Variants in RBFA observed in about 807,000 individuals in gnomAD.
The protein encoded by RBFA is ribosome binding factor A, also known as putative ribosome-binding factor A, mitochondrial.
Under a neutral mutation model 27.9 loss-of-function variants are expected in RBFA, and 16 were observed. The observed-to-expected ratio is 0.57, with a 90% CI of 0.39 to 0.87. The LOEUF (loss-of-function observed/expected upper bound fraction) is 0.87. Ranked by LOEUF, RBFA falls within the 40% of genes least tolerant of loss-of-function variation. The pLI, the probability that RBFA is intolerant of heterozygous loss-of-function variation, is 0.00. For missense variants in RBFA, 456 were observed against 432.1 expected, an observed-to-expected ratio of 1.06 and a Z score of -0.49; for synonymous variants, 181 against 181.0, an observed-to-expected ratio of 1.00 and a Z score of 0.00.
chr18:80,037,094 A>C (rs1211218992), intron 2 of RBFA, among the ~76,000 whole-genome samples: 2 of 152,194 alleles, frequency 1.3e-5, no homozygotes, highest in Non-Finnish European at 2.9e-5. Context: ...TCTCAACAAA[A>C]ACTTTTTTTG....
chr18:80,039,672 A>G (rs2052003839), intron 4 of RBFA, among the ~76,000 whole-genome samples: 1 of 152,090 alleles, frequency 6.6e-6, no homozygotes, highest in South Asian at 2.1e-4. Flanking sequence ...GGTACTTGAG[A>G]CTCTTCTGAT....
chr18:80,038,500 C>T lies in RBFA; in HGVS notation c.379-5C>T. 6.2e-7 allele frequency: 1 copy of T among 1,601,432 alleles called. No homozygotes were observed. The highest frequency in any genetic ancestry group is 8.5e-7 in the Non-Finnish European group (1 of 1,170,712). On this transcript the variant is annotated splice_polypyrimidine_tract_variant and splice_region_variant and intron_variant, in intron 3 of 6. Coordinates refer to ENST00000306735, the MANE Select transcript of RBFA (RefSeq NM_024805.3). ...AAAGTGACCTGTGGAGGGGCGGGGT[C>T]TCAGGTTTCCCTGACTCCAGACTTC... is the stretch of plus-strand genomic sequence containing the variant.
intron 5 of RBFA, 66 bp downstream of exon 5, chr18:80,042,285 T>G: frequency 9.4e-7 from 1 of 1,060,454 alleles, no homozygotes; most frequent in Admixed American, 2.4e-5. Context: ...AGACAGAGTC[T>G]TGCTATATTG....
At chr18:80,040,406 A>T (rs1445402518) in intron 4 of RBFA, among the ~76,000 whole-genome samples, 1 of 151,916 alleles carries the variant, frequency 6.6e-6, no homozygotes, top group South Asian at 2.1e-4. Flanking sequence ...ATGCCACCAC[A>T]CTTGGCTAAT....
rs750196933 is a variant in RBFA at position 80,034,636 on chromosome 18, A to G, written c.141A>G (p.Lys47=). 1 of 1,608,720 alleles carries G rather than the reference A, an allele frequency of 6.2e-7. No homozygotes were observed. Residue 47 remains lysine, a synonymous_variant, in exon 1 of 7, where the codon AAA becomes AAG. Transcript: ENST00000306735. ...SAVSCKNWLK[K]FASKTKKKVW... ...TCTCCTGCAAGAACTGGCTCAAGAAATTTGCCTCGAAAACCAAGTAATGCG... is the reference window on the plus strand; with the variant it reads ...TCTCCTGCAAGAACTGGCTCAAGAAGTTTGCCTCGAAAACCAAGTAATGCG...
intron 6 of RBFA, 123 bp from the exon 7 acceptor site, chr18:80,045,651 C>T (rs1374463953): frequency 8.7e-6 from 10 of 1,152,288 alleles, no homozygotes; most frequent in South Asian, 2.5e-5. Context: ...CTCAGATAGA[C>T]GTTTGGGAGG....
At position 80,034,613 on chromosome 18, in the gene RBFA, T is replaced by A; in HGVS notation, c.118T>A (p.Ser40Thr). 6.2e-7 allele frequency: 1 copy of A among 1,609,296 alleles called. No individual in the cohort carries two copies. ...CERGLHCSAV[S>T]CKNWLKKFAS... ...GCGGGGACTTCACTGCTCTGCTGTC[T>A]CCTGCAAGAACTGGCTCAAGAAATT... Residue 40 changes from serine to threonine, a missense_variant, in exon 1 of 7, where the codon TCC becomes ACC. Physicochemically the swap from Ser to Thr is moderately conservative, Grantham distance 58. Coordinates refer to ENST00000306735, the MANE Select transcript of RBFA (RefSeq NM_024805.3).
Position 80,048,797 on chromosome 18 carries a change from G to A in RBFA, c.*2642G>A, listed in dbSNP as rs900819719. Among the ~76,000 whole-genome samples the A allele has an allele frequency of 2.0e-5, 3 of 148,096 alleles. No homozygotes were observed. The highest frequency in any genetic ancestry group is 6.7e-5 in the Admixed American group (1 of 15,030). On this transcript the variant is annotated 3_prime_UTR_variant, in exon 7 of 7. Coordinates refer to ENST00000306735, the MANE Select transcript of RBFA (RefSeq NM_024805.3). ...CTCCTAGAAAGAGGAGTGTGGGCAC[G>A]TTTGCAGGGGATCCAACCAGGCGTC...
Position 80,050,247 on chromosome 18 carries a change from G to A in RBFA, c.*4092G>A, listed in dbSNP as rs375480815. On this transcript the variant is annotated 3_prime_UTR_variant, in exon 7 of 7. Transcript: ENST00000306735. ...CTGTGCCACCCAGGCCAGGGTAAGG[G>A]GAGCAGAGACCTTTTGGTTCCTGGT... 3.3e-5 allele frequency among the ~76,000 whole-genome samples: 5 copies of A among 152,186 alleles called. No individual in the cohort carries two copies. Among genetic ancestry groups the A allele is most frequent in the East Asian group, 1.9e-4 (1 of 5,200 alleles).
rs917114596 is a variant in RBFA at position 80,046,479 on chromosome 18, G to C, written c.*324G>C. The C allele has an allele frequency of 3.2e-6, 1 of 313,956 alleles. No homozygotes were observed. The highest frequency in any genetic ancestry group is 6.1e-6 in the Non-Finnish European group (1 of 163,972). The allele number at this position is 313,956 out of a possible 1,614,324, so 19.4% of individuals were successfully genotyped here. On this transcript the variant is annotated 3_prime_UTR_variant, in exon 7 of 7. Coordinates refer to ENST00000306735, the MANE Select transcript of RBFA (RefSeq NM_024805.3). ...CCAGGTGCCAGTGAGTGCTTGGCCC[G>C]AGGGGTCAGGCCACAGCAGTGGCCG...
intron 4 of RBFA, among the ~76,000 whole-genome samples, chr18:80,040,710 A>G (rs2052010994): frequency 6.6e-6 from 1 of 152,138 alleles, no homozygotes; most frequent in African/African-American, 2.4e-5. Flanking sequence ...TTTGTTAAAA[A>G]TGTCTATGTA....
intron 1 of RBFA, chr18:80,035,979 C>T (rs139236381): frequency 8.9e-4 from 136 of 152,210 alleles, no homozygotes; most frequent in African/African-American, 3.1e-3. Flanking sequence ...TTGTGTGTTT[C>T]GTACCACAGC....
At position 80,034,596 on chromosome 18, in the gene RBFA, T is replaced by C; in HGVS notation, c.101T>C (p.Leu34Pro). The C allele has an allele frequency of 6.2e-7, 1 of 1,609,954 alleles. No individual in the cohort carries two copies. Among genetic ancestry groups the C allele is most frequent in the Non-Finnish European group, 8.5e-7 (1 of 1,179,126 alleles). ...AALFPGCERG[L>P]HCSAVSCKNW... ...CTATTTCCAGGCTGCGAGCGGGGAC[T>C]TCACTGCTCTGCTGTCTCCTGCAAG... Residue 34 changes from leucine (L) to proline (P), a missense_variant, in exon 1 of 7, where the codon CTT becomes CCT. Coordinates refer to ENST00000306735, the MANE Select transcript of RBFA (RefSeq NM_024805.3).
At chr18:80,041,730 T>G (rs1323784992) in intron 4 of RBFA, 3 of 109,194 alleles carry the variant, frequency 2.7e-5, no homozygotes, top group Non-Finnish European at 5.8e-5. Flanking sequence ...CTTTTTTTTT[T>G]TTTTCTTTTT....
In RBFA at chr18:80,034,663, C is replaced by G; in HGVS notation, c.158+10C>G. 5.0e-6 allele frequency: 8 copies of G among 1,607,188 alleles called. No homozygotes were observed. Among genetic ancestry groups the G allele is most frequent in the South Asian group, 3.3e-5 (3 of 90,318 alleles). ...TTGCCTCGAAAACCAAGTAATGCGG[C>G]GGGGGCGGTGTCCCTGGGCGCGGTA... On this transcript the variant is annotated intron_variant, in intron 1 of 6. Transcript: ENST00000306735.
intron 1 of RBFA, 81 bp from the exon 2 acceptor site, chr18:80,036,587 T>G: frequency 9.7e-7 from 1 of 1,027,228 alleles, no homozygotes; most frequent in African/African-American, 1.6e-5. Context: ...TAAACAGTTA[T>G]GGTATCATAA....
intron 1 of RBFA, 169 bp downstream of exon 1, chr18:80,034,822 T>G: frequency 1.4e-6 from 1 of 698,876 alleles, no homozygotes; most frequent in South Asian, 2.3e-5. Flanking sequence ...ATTTGCAGCT[T>G]TTGTGTTCGT....
chr18:80,050,181 A>G lies in RBFA; in HGVS notation c.*4026A>G, dbSNP rs192404168. On this transcript the variant is annotated 3_prime_UTR_variant, in exon 7 of 7. Transcript: ENST00000306735. Reference sequence around the variant, plus strand: ...ATTTTGGGGGAAGAATGAGGGGACAACAGGGCAGGGAGAAGGGACAGAGCT... The same window carrying G: ...ATTTTGGGGGAAGAATGAGGGGACAGCAGGGCAGGGAGAAGGGACAGAGCT... 7.4e-4 allele frequency among the ~76,000 whole-genome samples: 112 copies of G among 152,296 alleles called. No homozygotes were observed. Among genetic ancestry groups the G allele is most frequent in the Admixed American group, 6.3e-3 (96 of 15,300 alleles).
chr18:80,036,413 A>T (rs1038608444), intron 1 of RBFA, among the ~76,000 whole-genome samples: 3 of 152,204 alleles, frequency 2.0e-5, no homozygotes, highest in African/African-American at 4.8e-5. Flanking sequence ...TGTCTTTTTA[A>T]GATCCTCTCT....
Sources: allele counts gnomAD v4.1 joint callset (sites outside exome capture counted in the v4.1 genomes callset), GRCh38; gene constraint gnomAD v4.1.1; transcripts MANE v1.5; gene names NCBI Gene and HGNC (gene_info 2026-07-23, HGNC 2026-07-21).